The following PAK5 variants were observed in gnomAD, a reference collection of about 807,000 sequenced individuals.
The protein encoded by PAK5 is serine/threonine-protein kinase PAK 5.
Under a neutral mutation model 65.9 loss-of-function variants are expected in PAK5, and 16 were observed. That is an observed-to-expected ratio of 0.24 (90% CI 0.16 to 0.37). The LOEUF (loss-of-function observed/expected upper bound fraction) is 0.37. PAK5 is among the 10% of genes least tolerant of loss of function. The pLI, the probability that PAK5 is intolerant of heterozygous loss-of-function variation, is 1.00. For missense variants in PAK5, 785 were observed against 903.9 expected, an observed-to-expected ratio of 0.87 and a Z score of 1.69; for synonymous variants, 371 against 354.9, an observed-to-expected ratio of 1.05 and a Z score of -0.51.
intron 3 of PAK5, among the ~76,000 whole-genome samples, chr20:9,589,365 G>A (rs967040837): frequency 2.6e-5 from 4 of 152,046 alleles, no homozygotes; most frequent in African/African-American, 9.7e-5. Context: ...AGGAAGAAAC[G>A]GTAACTCTTG....
intron 3 of PAK5, among the ~76,000 whole-genome samples, chr20:9,632,573 G>A (rs1400202067): frequency 1.3e-5 from 2 of 152,188 alleles, no homozygotes; most frequent in East Asian, 3.9e-4. Context: ...ATCATAGTCA[G>A]GTAGGTATTT....
At chr20:9,719,998 T>C (rs966687115) in intron 1 of PAK5, among the ~76,000 whole-genome samples, 3 of 152,206 alleles carry the variant, frequency 2.0e-5, no homozygotes, top group African/African-American at 7.2e-5. Context: ...TGTAATGTCT[T>C]TGGAGTGTGT....
chr20:9,739,025 T>A (rs2048422120), intron 1 of PAK5, among the ~76,000 whole-genome samples: 1 of 152,252 alleles, frequency 6.6e-6, no homozygotes, highest in South Asian at 2.1e-4. Flanking sequence ...CTGCTCTAAC[T>A]CCTCTACTGT....
chr20:9,698,872 C>T (rs982430681), intron 2 of PAK5, among the ~76,000 whole-genome samples: 7 of 152,138 alleles, frequency 4.6e-5, no homozygotes, highest in Admixed American at 4.6e-4. Context: ...TGAGATATAA[C>T]TTGATTTTAA....
At chr20:9,618,983 T>C (rs2046722259) in intron 3 of PAK5, among the ~76,000 whole-genome samples, 1 of 133,128 alleles carries the variant, frequency 7.5e-6, no homozygotes, top group Non-Finnish European at 1.5e-5. Context: ...AGTGCAGTGA[T>C]GGGATCATGG....
chr20:9,728,657 G>C (rs2123544846), intron 1 of PAK5, among the ~76,000 whole-genome samples: 1 of 152,174 alleles, frequency 6.6e-6, no homozygotes, highest in East Asian at 1.9e-4. Flanking sequence ...ACTGAACAGA[G>C]AAAGGATGTT....
In PAK5 at chr20:9,713,150, G is replaced by C. The variant is rs115040794; in HGVS notation, c.-161-1715C>G. Among the ~76,000 whole-genome samples, 412 of 152,076 alleles carry C rather than the reference G, an allele frequency of 2.7e-3. 4 individuals are homozygous for C. Among genetic ancestry groups the C allele is most frequent in the African/African-American group, 9.3e-3 (387 of 41,526 alleles). ...AGAGGTTAATAACCAGGATATATTA[G>C]AAACTCAAACAACTCAATAGCAAAT... is the stretch of plus-strand genomic sequence containing the variant. On this transcript the variant is annotated intron_variant, in intron 1 of 9. Coordinates refer to ENST00000353224, the MANE Select transcript of PAK5 (RefSeq NM_177990.4).
At chr20:9,566,729 T>C (rs894981632) in intron 4 of PAK5, among the ~76,000 whole-genome samples, 7 of 152,176 alleles carry the variant, frequency 4.6e-5, no homozygotes, top group Non-Finnish European at 8.8e-5. Flanking sequence ...CCTTTTCCCA[T>C]GCTTCTGAAT....
chr20:9,740,334 T>C (rs1361233639), intron 1 of PAK5, among the ~76,000 whole-genome samples: 1 of 152,102 alleles, frequency 6.6e-6, no homozygotes, highest in East Asian at 1.9e-4. Flanking sequence ...TCTCTAGAAA[T>C]GATGTGAAAG....
chr20:9,754,414 T>G (rs2048610299), intron 1 of PAK5, among the ~76,000 whole-genome samples: 1 of 152,084 alleles, frequency 6.6e-6, no homozygotes, highest in Admixed American at 6.6e-5. Flanking sequence ...AACTGTCCTC[T>G]TCTGTTGAGT....
intron 3 of PAK5, among the ~76,000 whole-genome samples, chr20:9,594,564 T>C (rs950849934): frequency 2.0e-5 from 3 of 152,252 alleles, no homozygotes; most frequent in Non-Finnish European, 2.9e-5. Context: ...GAAATTTCAC[T>C]GATTGTCTTG....
intron 2 of PAK5, among the ~76,000 whole-genome samples, chr20:9,693,722 G>A (rs992448743): frequency 1.3e-5 from 2 of 152,044 alleles, no homozygotes; most frequent in Non-Finnish European, 2.9e-5. Flanking sequence ...ATATAATAAA[G>A]CTCATTAACA....
intron 3 of PAK5, among the ~76,000 whole-genome samples, chr20:9,583,679 T>A (rs2046019322): frequency 6.6e-6 from 1 of 152,378 alleles, no homozygotes; most frequent in Admixed American, 6.5e-5. Flanking sequence ...CAAAGCTCTA[T>A]GGGTATTGAC....
intron 2 of PAK5, among the ~76,000 whole-genome samples, chr20:9,671,846 T>A (rs2047502828): frequency 6.6e-6 from 1 of 152,136 alleles, no homozygotes; most frequent in African/African-American, 2.4e-5. Context: ...CATCCCTGTC[T>A]TGTGCCAGTT....
chr20:9,616,034 A>G (rs1336567438), intron 3 of PAK5, among the ~76,000 whole-genome samples: 1 of 152,196 alleles, frequency 6.6e-6, no homozygotes, highest in Non-Finnish European at 1.5e-5. Context: ...TCTGGTTACA[A>G]GAGAATCAGG....
intron 3 of PAK5, among the ~76,000 whole-genome samples, chr20:9,629,693 T>G (rs2046896997): frequency 6.6e-6 from 1 of 152,182 alleles, no homozygotes; most frequent in Admixed American, 6.5e-5. Context: ...TCACATAGCC[T>G]TAATTACTTC....
intron 1 of PAK5, among the ~76,000 whole-genome samples, chr20:9,741,795 C>T (rs940968767): frequency 2.0e-5 from 3 of 151,844 alleles, no homozygotes; most frequent in Non-Finnish European, 2.9e-5. Flanking sequence ...GGGGATCTCT[C>T]GAGGTCTTGC....
At chr20:9,681,191 T>A (rs1402627972) in intron 2 of PAK5, among the ~76,000 whole-genome samples, 1 of 152,216 alleles carries the variant, frequency 6.6e-6, no homozygotes, top group Non-Finnish European at 1.5e-5. Flanking sequence ...AGTTTTTATG[T>A]AAACTTAGCT....
At chr20:9,637,911 T>A (rs1212474675) in intron 3 of PAK5, among the ~76,000 whole-genome samples, 3 of 152,242 alleles carry the variant, frequency 2.0e-5, no homozygotes, top group African/African-American at 7.2e-5. Flanking sequence ...CATTTTCAAA[T>A]GATTTCTAGG....
Sources: allele counts gnomAD v4.1 joint callset (sites outside exome capture counted in the v4.1 genomes callset), GRCh38; gene constraint gnomAD v4.1.1; transcripts MANE v1.5; gene names NCBI Gene and HGNC (gene_info 2026-07-23, HGNC 2026-07-21).